The following KSR2 variants were observed in gnomAD, a reference collection of about 807,000 sequenced individuals.
The protein encoded by KSR2 is kinase suppressor of ras 2.
In KSR2, 25 loss-of-function variants were observed where a neutral mutation model predicts 107.8. The observed-to-expected ratio is 0.23, with a 90% CI of 0.17 to 0.32. The LOEUF (loss-of-function observed/expected upper bound fraction) is 0.32. Ranked by LOEUF, KSR2 falls within the 10% of genes least tolerant of loss-of-function variation. The probability of loss-of-function intolerance (pLI) is 1.00; values close to 1 mark genes in which losing one functional copy is unlikely to be tolerated. For missense variants in KSR2, 887 were observed against 1,268.9 expected (o/e 0.70, Z 4.57); for synonymous variants, 480 against 507.0 (o/e 0.95, Z 0.71).
At chr12:117,468,159 T>C (rs1871251069) in intron 19 of KSR2, among the ~76,000 whole-genome samples, 1 of 152,230 alleles carries the variant, frequency 6.6e-6, no homozygotes, top group Non-Finnish European at 1.5e-5. Context: ...CCTGCCAGGC[T>C]GCCACAATAG....
At chr12:117,949,997 A>G (rs974959319) in intron 1 of KSR2, among the ~76,000 whole-genome samples, 4 of 151,518 alleles carry the variant, frequency 2.6e-5, no homozygotes, top group African/African-American at 9.7e-5. Context: ...CTTTTGAGAT[A>G]GAGTCTCACT....
At chr12:117,531,134 C>T in intron 11 of KSR2, 121 bp from the exon 12 acceptor site, 1 of 798,536 alleles carries the variant, frequency 1.3e-6, no homozygotes, top group Non-Finnish European at 2.2e-6. Context: ...CTGCCCTTGG[C>T]CAATCTCCTT....
intron 1 of KSR2, among the ~76,000 whole-genome samples, chr12:117,891,925 G>C (rs191384000): frequency 6.6e-6 from 1 of 152,112 alleles, no homozygotes; most frequent in Admixed American, 6.6e-5. Flanking sequence ...ACTTGAGCCC[G>C]GGAGGCTGAA....
intron 1 of KSR2, among the ~76,000 whole-genome samples, chr12:117,875,589 C>G (rs2137301040): frequency 6.6e-6 from 1 of 152,236 alleles, no homozygotes; most frequent in African/African-American, 2.4e-5. Context: ...CTGTGTCCCT[C>G]AGGACTGCCC....
At chr12:117,573,563 T>C (rs1456234895) in intron 7 of KSR2, among the ~76,000 whole-genome samples, 3 of 146,134 alleles carry the variant, frequency 2.1e-5, no homozygotes, top group Non-Finnish European at 4.5e-5. Context: ...GGTCTCACTC[T>C]GTCACCCAGG....
chr12:117,941,832 G>A (rs370417114), intron 1 of KSR2, among the ~76,000 whole-genome samples: 5 of 136,820 alleles, frequency 3.7e-5, no homozygotes, highest in East Asian at 2.1e-4. Context: ...TAGTAGAGAC[G>A]GAGTTTCACC....
intron 4 of KSR2, among the ~76,000 whole-genome samples, chr12:117,725,967 A>G (rs1887408663): frequency 6.6e-6 from 1 of 151,814 alleles, no homozygotes; most frequent in Admixed American, 6.6e-5. Flanking sequence ...AGGAGTTCAA[A>G]ACTAGCCTGC....
At chr12:117,517,707 C>G in intron 14 of KSR2, 1 of 397,786 alleles carries the variant, frequency 2.5e-6, no homozygotes, top group South Asian at 1.9e-5. Context: ...AGACAAAAAA[C>G]CTTTTCAGCT....
chr12:117,950,749 A>AAT lies in KSR2; in HGVS notation c.180+17326_180+17327insAT, dbSNP rs1555260903. Among the ~76,000 whole-genome samples the AAT allele has an allele frequency of 5.8e-3, 765 of 132,120 alleles. 7 individuals carry two copies. The highest frequency in any genetic ancestry group is 0.014 in the African/African-American group (487 of 34,254). The allele number at this position is 132,120 out of a possible 152,430, so 86.7% of individuals were successfully genotyped here. A position where few individuals can be genotyped will look rare whatever the true frequency, so the allele number is the denominator to read the frequency against. On this transcript the variant is annotated intron_variant, in intron 1 of 19. Transcript: ENST00000339824. The stretch of plus-strand genomic sequence containing the variant: ...GAGCAAGACTCTGTAAAAAAAAAAA[A>AAT]AATAATAATAATAATAATAATGATA...
At chr12:117,822,039 T>C (rs1380211168) in intron 3 of KSR2, among the ~76,000 whole-genome samples, 1 of 152,114 alleles carries the variant, frequency 6.6e-6, no homozygotes, top group Non-Finnish European at 1.5e-5. Flanking sequence ...AAAACCAAGA[T>C]AGCAATGAGA....
intron 1 of KSR2, among the ~76,000 whole-genome samples, chr12:117,909,874 T>C (rs1432432740): frequency 2.0e-5 from 3 of 149,656 alleles, no homozygotes; most frequent in East Asian, 2.0e-4. Flanking sequence ...CGCCACTGCA[T>C]TGCAGCCTAG....
intron 1 of KSR2, among the ~76,000 whole-genome samples, chr12:117,902,495 TAAAAAAA>T (rs35386887): frequency 1.7e-4 from 17 of 102,498 alleles, no homozygotes; most frequent in Middle Eastern, 4.8e-3. Flanking sequence ...GACTCTGTCT[TAAAAAAA>T]AAAAAAAAAA....
intron 1 of KSR2, among the ~76,000 whole-genome samples, chr12:117,939,346 G>A (rs1281453340): frequency 1.3e-5 from 2 of 152,194 alleles, no homozygotes; most frequent in African/African-American, 4.8e-5. Context: ...GGCATTGATT[G>A]ACCATGACTT....
At chr12:117,751,643 C>T (rs1349992987) in intron 4 of KSR2, among the ~76,000 whole-genome samples, 1 of 152,146 alleles carries the variant, frequency 6.6e-6, no homozygotes, top group Non-Finnish European at 1.5e-5. Flanking sequence ...ACCCTGGCAG[C>T]CATGAAGATA....
At chr12:117,922,748 AAG>A (rs1895380505) in intron 1 of KSR2, among the ~76,000 whole-genome samples, 1 of 152,202 alleles carries the variant, frequency 6.6e-6, no homozygotes, top group African/African-American at 2.4e-5. Context: ...TACCACATAC[AAG>A]GTGCACAACA....
chr12:117,701,362 G>A (rs539159970), intron 4 of KSR2, among the ~76,000 whole-genome samples: 1 of 152,190 alleles, frequency 6.6e-6, no homozygotes, highest in East Asian at 1.9e-4. Flanking sequence ...CAAAGTGCGG[G>A]GATTACAGGT....
At position 117,667,668 on chromosome 12, in the gene KSR2, A is replaced by C; in HGVS notation, c.987-10T>G. 6.4e-7 allele frequency: 1 copy of C among 1,552,390 alleles called. No individual in the cohort carries two copies. The highest frequency in any genetic ancestry group is 8.7e-7 in the Non-Finnish European group (1 of 1,152,974). On this transcript the variant is annotated splice_polypyrimidine_tract_variant and intron_variant, in intron 4 of 19. Coordinates refer to ENST00000339824, the MANE Select transcript of KSR2 (RefSeq NM_173598.6). Reference sequence around the variant, plus strand: ...GCTCTTCTTCTTGGCTCTGAAAGGGAGACAGAAAAAGAGGAAAAGGAAATA... The same window carrying C: ...GCTCTTCTTCTTGGCTCTGAAAGGGCGACAGAAAAAGAGGAAAAGGAAATA...
chr12:117,826,541 C>T (rs565312958), intron 3 of KSR2, among the ~76,000 whole-genome samples: 32 of 152,190 alleles, frequency 2.1e-4, no homozygotes, highest in African/African-American at 7.0e-4. Context: ...ATTTAAAATA[C>T]ACTGCTTCTT....
At chr12:117,940,105 C>A (rs1311617889) in intron 1 of KSR2, among the ~76,000 whole-genome samples, 1 of 152,060 alleles carries the variant, frequency 6.6e-6, no homozygotes, top group South Asian at 2.1e-4. Flanking sequence ...GAAACAAAGG[C>A]TCGGTCATAT....
Sources: gnomAD v4.1 joint callset for allele counts (sites outside exome capture counted in the v4.1 genomes callset) on GRCh38, gnomAD v4.1.1 for gene constraint, MANE v1.5 for transcripts, NCBI Gene and HGNC (gene_info 2026-07-23, HGNC 2026-07-21) for gene names.